COMMD1: variants seen among roughly 807,000 people sequenced by gnomAD.
COMMD1 encodes the protein COMM domain-containing protein 1.
A neutral mutation model predicts 17.2 loss-of-function variants in COMMD1; 10 were observed. The observed-to-expected ratio is 0.58, with a 90% CI of 0.36 to 0.99. COMMD1 has a LOEUF of 0.99. Among genes scored for constraint, COMMD1 ranks in the 50% least tolerant of loss-of-function variants. The pLI is 0.01. For missense variants in COMMD1, 270 were observed against 231.8 expected, an observed-to-expected ratio of 1.17 and a Z score of -1.07; for synonymous variants, 97 against 91.6, an observed-to-expected ratio of 1.06 and a Z score of -0.34.
intron 2 of COMMD1, among the ~76,000 whole-genome samples, chr2:62,081,256 T>TC (rs1454453532): frequency 6.6e-6 from 1 of 151,070 alleles, no homozygotes; most frequent in Non-Finnish European, 1.5e-5. Context: ...AATCTAGATT[T>TC]TTTTTTTTTT....
intron 2 of COMMD1, among the ~76,000 whole-genome samples, chr2:62,006,619 G>A (rs1368663227): frequency 6.6e-6 from 1 of 152,098 alleles, no homozygotes; most frequent in Non-Finnish European, 1.5e-5. Context: ...AAGCTTTAAG[G>A]TGAATATTTT....
chr2:61,985,209 C>A (rs1301069068), intron 1 of COMMD1, among the ~76,000 whole-genome samples: 2 of 152,058 alleles, frequency 1.3e-5, no homozygotes, highest in South Asian at 4.1e-4. Flanking sequence ...CACCACCACG[C>A]CTGGCTAATT....
chr2:61,925,421 T>C (rs1437653768), intron 1 of COMMD1, among the ~76,000 whole-genome samples: 1 of 152,110 alleles, frequency 6.6e-6, no homozygotes, highest in Non-Finnish European at 1.5e-5. Context: ...TTCTTTGGTA[T>C]GGCTGCATCC....
chr2:62,087,132 A>G (rs1366531905), intron 2 of COMMD1, among the ~76,000 whole-genome samples: 14 of 152,190 alleles, frequency 9.2e-5, no homozygotes, highest in Admixed American at 8.5e-4. Flanking sequence ...TGATATTGGA[A>G]GAATTTCTGA....
chr2:61,990,807 G>A (rs1672226269), intron 1 of COMMD1, among the ~76,000 whole-genome samples: 1 of 151,184 alleles, frequency 6.6e-6, no homozygotes, highest in Non-Finnish European at 1.5e-5. Context: ...CACAACATAT[G>A]GGAATTATGG....
At chr2:62,019,042 C>A (rs1486004158) in intron 2 of COMMD1, among the ~76,000 whole-genome samples, 2 of 145,664 alleles carry the variant, frequency 1.4e-5, no homozygotes, top group Non-Finnish European at 3.0e-5. Context: ...TCCCTCCCTC[C>A]CTCCTTCCTT....
At chr2:62,087,927 C>T (rs1261897936) in intron 2 of COMMD1, among the ~76,000 whole-genome samples, 1 of 152,178 alleles carries the variant, frequency 6.6e-6, no homozygotes, top group African/African-American at 2.4e-5. Flanking sequence ...TCTACTTTTT[C>T]ACTTCCATTT....
intron 2 of COMMD1, among the ~76,000 whole-genome samples, chr2:62,048,222 G>A (rs958650399): frequency 3.6e-5 from 5 of 139,202 alleles, no homozygotes; most frequent in Non-Finnish European, 7.6e-5. Context: ...TCGCTCTGTC[G>A]CCCAGGCTGG....
At chr2:62,097,124 G>T (rs185151599) in intron 2 of COMMD1, among the ~76,000 whole-genome samples, 4 of 152,290 alleles carry the variant, frequency 2.6e-5, no homozygotes, top group African/African-American at 9.6e-5. Flanking sequence ...TAAGGTGTGG[G>T]GGTTAGGAAC....
chr2:61,888,575 T>G (rs946589642), upstream of COMMD1: 47 of 1,563,672 alleles, frequency 3.0e-5, no homozygotes, highest in Non-Finnish European at 3.8e-5. Flanking sequence ...CCGGCCGCAG[T>G]GTAATAACGG....
chr2:62,005,344 G>A (rs1404722772), intron 2 of COMMD1, among the ~76,000 whole-genome samples: 1 of 152,156 alleles, frequency 6.6e-6, no homozygotes, highest in African/African-American at 2.4e-5. Context: ...AACTAGTGAA[G>A]GTGGGTTTCT....
chr2:61,916,584 G>C (rs2105186420), intron 1 of COMMD1, among the ~76,000 whole-genome samples: 3 of 151,842 alleles, frequency 2.0e-5, no homozygotes, highest in Middle Eastern at 6.8e-3. Context: ...AACATGCCCG[G>C]CTAATTTAAA....
chr2:62,007,522 T>C (rs1327696757), intron 2 of COMMD1, among the ~76,000 whole-genome samples: 6 of 152,222 alleles, frequency 3.9e-5, no homozygotes, highest in Non-Finnish European at 5.9e-5. Context: ...ACATATACGA[T>C]AGTTGTCCCA....
At position 62,000,842 on chromosome 2, in the gene COMMD1, A is replaced by G. The variant is rs750727847; in HGVS notation, c.322A>G (p.Ser108Gly). 7.4e-6 allele frequency: 12 copies of G among 1,614,148 alleles called. No homozygotes were observed. The highest frequency in any genetic ancestry group is 9.3e-6 in the Non-Finnish European group (11 of 1,180,024). Residue 108 changes from serine to glycine, a missense_variant, in exon 2 of 3, where the codon AGC becomes GGC. Coordinates refer to ENST00000311832, the MANE Select transcript of COMMD1 (RefSeq NM_152516.4). ...WKSHKTKIRE[S>G]LMNQSRWNSG... ...GAGCCACAAGACAAAAATCCGTGAGAGCCTCATGAACCAGAGCCGCTGGAA... is the reference window on the plus strand; with the variant it reads ...GAGCCACAAGACAAAAATCCGTGAGGGCCTCATGAACCAGAGCCGCTGGAA...
chr2:62,093,727 A>G (rs1671910903), intron 2 of COMMD1, among the ~76,000 whole-genome samples: 1 of 152,190 alleles, frequency 6.6e-6, no homozygotes, highest in Non-Finnish European at 1.5e-5. Flanking sequence ...TATGATTGCA[A>G]GTTGATTTGG....
chr2:61,934,017 A>C (rs1005031187), intron 1 of COMMD1, among the ~76,000 whole-genome samples: 1 of 152,144 alleles, frequency 6.6e-6, no homozygotes, highest in African/African-American at 2.4e-5. Flanking sequence ...TGCCCACCTC[A>C]GCCTCTCAAA....
upstream of COMMD1, among the ~76,000 whole-genome samples, chr2:61,904,074 G>C (rs1669716228): frequency 6.6e-6 from 1 of 151,824 alleles, no homozygotes; most frequent in Admixed American, 6.6e-5. Flanking sequence ...GCAGTGGCGT[G>C]ATCTCGGCTC....
intron 1 of COMMD1, among the ~76,000 whole-genome samples, chr2:61,980,496 C>A (rs1054820348): frequency 9.6e-6 from 1 of 104,186 alleles, no homozygotes; most frequent in African/African-American, 4.1e-5. Context: ...TCTCTGATGG[C>A]CAGTGATGAT....
At chr2:62,062,257 G>A (rs1465824008) in intron 2 of COMMD1, among the ~76,000 whole-genome samples, 2 of 149,456 alleles carry the variant, frequency 1.3e-5, no homozygotes, top group African/African-American at 2.5e-5. Context: ...ATGGAGTTTC[G>A]CTCTTGTTGC....
Sources: allele counts gnomAD v4.1 joint callset (sites outside exome capture counted in the v4.1 genomes callset), GRCh38; gene constraint gnomAD v4.1.1; transcripts MANE v1.5; gene names NCBI Gene and HGNC (gene_info 2026-07-23, HGNC 2026-07-21).